PCDH7: variants seen among roughly 807,000 people sequenced by gnomAD.
The protein encoded by PCDH7 is protocadherin-7.
Under a neutral mutation model 58.9 loss-of-function variants are expected in PCDH7, and 17 were observed. That is an observed-to-expected ratio of 0.29 (90% CI 0.20 to 0.43). The LOEUF is 0.43. PCDH7 is among the 20% of genes least tolerant of loss of function. The pLI is 1.00. For synonymous variants in PCDH7, 664 were observed against 616.4 expected (o/e 1.08, Z -1.14); for missense variants, 1,274 against 1,441.0 (o/e 0.88, Z 1.88).
Position 30,724,242 on chromosome 4 carries a change from C to CA in PCDH7, c.2826dup (p.Ser943IlefsTer2). On this transcript the variant is annotated frameshift_variant, in exon 1 of 2. Coordinates refer to ENST00000361762, the Ensembl canonical transcript of PCDH7. LOFTEE classifies it high-confidence loss of function. ...AAAAGCCTAAAAAGGACAAGAAAAA[C>CA]AAAAAATCTAAGCAGCCTCTCTACA... 1 of 1,613,260 alleles carries CA rather than the reference C, an allele frequency of 6.2e-7. No individual in the cohort carries two copies. The highest frequency in any genetic ancestry group is 8.5e-7 in the Non-Finnish European group (1 of 1,179,878).
rs137960664 is a variant in PCDH7 at position 30,816,165 on chromosome 4, T to G, written c.70+91569T>G. On this transcript the variant is annotated intron_variant, in intron 1 of 3. Coordinates refer to the PCDH7 transcript ENST00000509759. ...TTTTTAATAGTAAATGTAGGTAATA[T>G]ATCTAGTTAAATTAGGTGAAATGAG... 1.6e-4 allele frequency among the ~76,000 whole-genome samples: 24 copies of G among 152,294 alleles called. No individual in the cohort carries two copies. The East Asian group carries it at 4.4e-3, about 28-fold the overall frequency.
At chr4:31,108,676 G>A (rs1366454397) in intron 3 of PCDH7, among the ~76,000 whole-genome samples, 2 of 152,118 alleles carry the variant, frequency 1.3e-5, no homozygotes, top group Admixed American at 6.5e-5. Context: ...GAAGATGGCT[G>A]GTGTAAAGCA....
chr4:30,973,954 C>G (rs1440887342), intron 3 of PCDH7, among the ~76,000 whole-genome samples: 1 of 151,900 alleles, frequency 6.6e-6, no homozygotes, highest in Non-Finnish European at 1.5e-5. Context: ...TAAAAAATCA[C>G]TAGTAAAACA....
rs150267317 is a variant in PCDH7 at position 30,722,916 on chromosome 4, C to G, written c.1494C>G (p.Thr498=). ...CGACCCCTCTGGACTATGAGGCCACCCGGGAGTTCAACGTGGTCATCGTGG... is the reference window on the plus strand; with the variant it reads ...CGACCCCTCTGGACTATGAGGCCACGCGGGAGTTCAACGTGGTCATCGTGG... The change falls in exon 1 of 2, where the codon ACC becomes ACG. Residue 498 remains threonine (T), a synonymous_variant. Transcript: ENST00000361762. The surrounding 1 kb of genome is among the most constrained non-coding windows in gnomAD (Gnocchi z 7.6). 506 of 1,613,664 alleles carry G rather than the reference C, an allele frequency of 3.1e-4. No individual in the cohort carries two copies. The highest frequency in any genetic ancestry group is 6.0e-4 in the Admixed American group (36 of 59,998).
At chr4:31,065,847 A>C (rs1487110166) in intron 3 of PCDH7, among the ~76,000 whole-genome samples, 2 of 151,912 alleles carry the variant, frequency 1.3e-5, no homozygotes, top group East Asian at 3.9e-4. Context: ...TTTTGGAACC[A>C]GGAAAAAAAA....
Position 31,079,347 on chromosome 4 carries a change from TATATATATATATATATAC to T in PCDH7, c.*8-63124_*8-63107del, listed in dbSNP as rs1251993522. 4.3e-4 allele frequency among the ~76,000 whole-genome samples: 38 copies of T among 89,202 alleles called. 1 individual carries two copies. Among genetic ancestry groups the T allele is most frequent in the African/African-American group, 1.4e-3 (31 of 21,432 alleles). The allele number at this position is 89,202 out of a possible 152,430, so 58.5% of individuals were successfully genotyped here. A position where few individuals can be genotyped will look rare whatever the true frequency, so the allele number is the denominator to read the frequency against. On this transcript the variant is annotated intron_variant, in intron 3 of 3. Coordinates refer to the PCDH7 transcript ENST00000509759. ...ATATATATATATATATATATATATA[TATATATATATATATATAC>T]ACCACATTTTCAAAATAGACAGAAT...
At position 30,721,286 on chromosome 4, in the gene PCDH7, T is replaced by TCCCTC; in HGVS notation, c.-129_-125dup. ...AACTCTCCACGCCGCTTTTGCCCCC[T>TCCCTC]CCCTCCCCTCCCTCTCGCTCCTTCC... On this transcript the variant is annotated 5_prime_UTR_variant, in exon 1 of 2. It introduces an in-frame stop codon into an upstream open reading frame of the 5' UTR. Coordinates refer to ENST00000361762, the Ensembl canonical transcript of PCDH7. This position sits in a 1 kb window ranked among gnomAD's most constrained non-coding sequence, Gnocchi z 6.7. 1 of 874,514 alleles carries TCCCTC rather than the reference T, an allele frequency of 1.1e-6. No homozygotes were observed. The allele number at this position is 874,514 out of a possible 1,614,324, so 54.2% of individuals were successfully genotyped here.
chr4:30,959,869 C>T (rs1039884475), intron 3 of PCDH7, among the ~76,000 whole-genome samples: 3 of 151,908 alleles, frequency 2.0e-5, no homozygotes, highest in African/African-American at 7.3e-5. Context: ...TTTTATTTAG[C>T]ACAAGTCCTA....
chr4:30,787,689 C>T (rs916537355), intron 1 of PCDH7, among the ~76,000 whole-genome samples: 1 of 152,010 alleles, frequency 6.6e-6, no homozygotes, highest in Non-Finnish European at 1.5e-5. Flanking sequence ...CTGGAAGTAC[C>T]TCTTTGCATT....
At chr4:31,034,297 T>C (rs1327580034) in intron 3 of PCDH7, among the ~76,000 whole-genome samples, 1 of 152,162 alleles carries the variant, frequency 6.6e-6, no homozygotes, top group Non-Finnish European at 1.5e-5. Context: ...CTTCTCTTTA[T>C]AGAAAATTAC....
chr4:30,792,353 A>G (rs184887699), intron 1 of PCDH7, among the ~76,000 whole-genome samples: 224 of 151,862 alleles, frequency 1.5e-3, no homozygotes, highest in African/African-American at 5.3e-3. Context: ...TAAGAAAGTT[A>G]TATTTTGACT....
At chr4:30,766,252 C>A (rs1393105673) in intron 1 of PCDH7, among the ~76,000 whole-genome samples, 1 of 151,942 alleles carries the variant, frequency 6.6e-6, no homozygotes, top group African/African-American at 2.4e-5. Flanking sequence ...GCAACCCATC[C>A]AAGAAGGGTG....
At position 30,770,859 on chromosome 4, in the gene PCDH7, A is replaced by G. The variant is rs868050868; in HGVS notation, c.70+46263A>G. Among the ~76,000 whole-genome samples, 123 of 152,278 alleles carry G rather than the reference A, an allele frequency of 8.1e-4. 1 individual carries two copies. Among genetic ancestry groups the G allele is most frequent in the Middle Eastern group, 6.8e-3 (2 of 294 alleles). ...CTTTCATTTGTCTTTTAAAAAAACA[A>G]CCATATACACTATATGATTTATTAT... On this transcript the variant is annotated intron_variant, in intron 1 of 3. Transcript: ENST00000509759.
At chr4:30,741,476 G>A (rs1228454564) in intron 1 of PCDH7, among the ~76,000 whole-genome samples, 1 of 152,154 alleles carries the variant, frequency 6.6e-6, no homozygotes, top group East Asian at 1.9e-4. Context: ...TTACAGGCGT[G>A]AGCCACTTCA....
At chr4:30,930,243 A>C (rs903116515) in intron 2 of PCDH7, among the ~76,000 whole-genome samples, 3 of 152,178 alleles carry the variant, frequency 2.0e-5, no homozygotes, top group African/African-American at 7.2e-5. Context: ...AATGTGGATA[A>C]GGCTATGGAG....
In PCDH7 at chr4:30,996,796, T is replaced by C. The variant is rs149878668; in HGVS notation, c.*7+46581T>C. 2.0e-4 allele frequency among the ~76,000 whole-genome samples: 31 copies of C among 152,330 alleles called. 2 individuals carry two copies. Among genetic ancestry groups the C allele is most frequent in the Admixed American group, 3.3e-4 (5 of 15,294 alleles). On this transcript the variant is annotated intron_variant, in intron 3 of 3. Coordinates refer to the PCDH7 transcript ENST00000509759. ...GTGCTTAGGAGTCAGAATTTGGCCATTGAGTTTTTTCTTTTACACAAAAAA... is the reference window on the plus strand; with the variant it reads ...GTGCTTAGGAGTCAGAATTTGGCCACTGAGTTTTTTCTTTTACACAAAAAA...
intron 3 of PCDH7, among the ~76,000 whole-genome samples, chr4:31,017,830 A>C (rs1349167927): frequency 6.6e-6 from 1 of 152,190 alleles, no homozygotes; most frequent in Non-Finnish European, 1.5e-5. Flanking sequence ...ATGATGATCA[A>C]TAGATAAGAG....
At chr4:30,939,235 A>T (rs1745740959) in intron 2 of PCDH7, among the ~76,000 whole-genome samples, 1 of 152,164 alleles carries the variant, frequency 6.6e-6, no homozygotes. Flanking sequence ...AACTTATGAT[A>T]ATCCAATGTA....
intron 3 of PCDH7, among the ~76,000 whole-genome samples, chr4:30,968,376 C>CTATATATA (rs60085619): frequency 0.03 from 1,971 of 66,616 alleles, 56 homozygotes; most frequent in Non-Finnish European, 0.041. Context: ...TATACACACA[C>CTATATATA]TATATATATA....
Sources: gnomAD v4.1 joint callset for allele counts (sites outside exome capture counted in the v4.1 genomes callset) on GRCh38, gnomAD v4.1.1 for gene constraint, Gnocchi (gnomAD v3.1) non-coding constraint, MANE v1.5 for transcripts, NCBI Gene and HGNC (gene_info 2026-07-23, HGNC 2026-07-21) for gene names.